DUS2: variants seen among roughly 807,000 people sequenced by gnomAD.
DUS2 encodes the protein dihydrouridine synthase 2.
In DUS2, 52 loss-of-function variants were observed where a neutral mutation model predicts 71.3. The observed-to-expected ratio is 0.73, with a 90% CI of 0.58 to 0.92. The LOEUF (loss-of-function observed/expected upper bound fraction) is 0.92. Among genes scored for constraint, DUS2 ranks in the 40% least tolerant of loss-of-function variants. The pLI is 0.00. For synonymous variants in DUS2, 204 were observed against 227.8 expected (o/e 0.90, Z 0.94); for missense variants, 558 against 622.6 (o/e 0.90, Z 1.10).
At chr16:68,071,169 A>G in intron 12 of DUS2, 61 bp downstream of exon 12, 1 of 1,581,926 alleles carries the variant, frequency 6.3e-7, no homozygotes. Flanking sequence ...TCCTGCAGAG[A>G]GCACTTTGTG....
intron 2 of DUS2, among the ~76,000 whole-genome samples, chr16:68,031,250 T>C (rs2033433666): frequency 1.3e-5 from 2 of 152,158 alleles, no homozygotes; most frequent in South Asian, 4.1e-4. Context: ...CTGCAACCTC[T>C]GCCTCCCGGG....
chr16:68,072,354 C>G (rs759923447), intron 12 of DUS2, among the ~76,000 whole-genome samples: 5 of 152,204 alleles, frequency 3.3e-5, no homozygotes, highest in African/African-American at 7.2e-5. Flanking sequence ...CTTGCCCCAG[C>G]CCAGGTCAGC....
At chr16:68,029,084 A>G (rs921029714) in intron 2 of DUS2, among the ~76,000 whole-genome samples, 2 of 152,010 alleles carry the variant, frequency 1.3e-5, no homozygotes, top group Non-Finnish European at 2.9e-5. Flanking sequence ...ACATGCCTGT[A>G]GTCCCAGTTA....
At chr16:68,066,426 A>G in intron 9 of DUS2, 44 bp downstream of exon 9, 1 of 1,604,370 alleles carries the variant, frequency 6.2e-7, no homozygotes, top group Non-Finnish European at 8.5e-7. Flanking sequence ...CTCTCTGGTG[A>G]TGTTGGATTT....
rs1414165570 is a variant in DUS2 at position 68,078,895 on chromosome 16, G to C, written c.1391G>C (p.Arg464Thr). The C allele has an allele frequency of 6.2e-7, 1 of 1,613,016 alleles. No homozygotes were observed. Among genetic ancestry groups the C allele is most frequent in the African/African-American group, 1.3e-5 (1 of 74,928 alleles). Residue 464 changes from arginine to threonine, a missense_variant, in exon 17 of 17, where the codon AGA (arginine) becomes ACA (threonine). Arg to Thr is a moderately conservative substitution (Grantham distance 71, BLOSUM62 -1). Coordinates refer to ENST00000565263, the MANE Select transcript of DUS2 (RefSeq NM_017803.5). ...EAPDQDPGGP[R>T]AQELAQPGDL... ...CCTGACCAAGACCCTGGGGGCCCCAGAGCTCAGGAGCTAGCACAACCTGGG... is the reference window on the plus strand; with the variant it reads ...CCTGACCAAGACCCTGGGGGCCCCACAGCTCAGGAGCTAGCACAACCTGGG...
chr16:68,028,006 C>T (rs548475295), intron 2 of DUS2, among the ~76,000 whole-genome samples: 240 of 152,196 alleles, frequency 1.6e-3, no homozygotes, highest in African/African-American at 5.5e-3. Context: ...AAGGTGGAGA[C>T]CAGACCTTAT....
intron 10 of DUS2, among the ~76,000 whole-genome samples, chr16:68,068,880 G>A (rs928717758): frequency 6.6e-6 from 1 of 151,618 alleles, no homozygotes; most frequent in East Asian, 1.9e-4. Flanking sequence ...GATTACAGGC[G>A]TGAGCCACCA....
chr16:68,057,727 A>G (rs1338463861), intron 7 of DUS2, among the ~76,000 whole-genome samples: 2 of 152,010 alleles, frequency 1.3e-5, no homozygotes, highest in Non-Finnish European at 2.9e-5. Context: ...TAAAATTACA[A>G]GCAATTAGCT....
chr16:68,070,007 C>A, intron 10 of DUS2, 127 bp from the exon 11 acceptor site: 1 of 763,656 alleles, frequency 1.3e-6, no homozygotes, highest in Non-Finnish European at 2.3e-6. Context: ...TCCTTGATTG[C>A]CATATGGCCA....
intron 1 of DUS2, 117 bp downstream of exon 1, chr16:68,023,468 C>T (rs1376636575): frequency 1.2e-5 from 6 of 508,216 alleles, no homozygotes; most frequent in African/African-American, 8.1e-5. Flanking sequence ...GGCCTTGACC[C>T]AATGGACCAT....
At chr16:68,053,913 C>T (rs2033814492) in intron 5 of DUS2, 1 of 451,790 alleles carries the variant, frequency 2.2e-6, no homozygotes, top group Admixed American at 3.7e-5. Flanking sequence ...TAGGAATTGT[C>T]TGTTTGGCAT....
intron 13 of DUS2, among the ~76,000 whole-genome samples, chr16:68,074,575 T>C (rs562712302): frequency 6.6e-6 from 1 of 152,308 alleles, no homozygotes; most frequent in African/African-American, 2.4e-5. Context: ...CTAGCTCAGA[T>C]GGTTGACAGT....
intron 4 of DUS2, among the ~76,000 whole-genome samples, chr16:68,052,930 A>C (rs1237857549): frequency 6.6e-6 from 1 of 150,506 alleles, no homozygotes; most frequent in Non-Finnish European, 1.5e-5. Flanking sequence ...AGCGTGAGCC[A>C]CTGCGCCCGG....
chr16:68,056,985 CAATAAATA>C (rs1239161446), intron 7 of DUS2, among the ~76,000 whole-genome samples: 2 of 134,478 alleles, frequency 1.5e-5, no homozygotes, highest in Non-Finnish European at 3.1e-5. Context: ...TAAATATATA[CAATAAATA>C]TATAAATATA....
At chr16:68,058,649 A>G (rs1048446612) in intron 7 of DUS2, among the ~76,000 whole-genome samples, 4 of 152,186 alleles carry the variant, frequency 2.6e-5, no homozygotes, top group Non-Finnish European at 1.5e-5. Context: ...GAATGATTAT[A>G]TATATTTATT....
intron 2 of DUS2, among the ~76,000 whole-genome samples, chr16:68,032,832 C>T (rs1269548522): frequency 2.3e-5 from 3 of 128,570 alleles, no homozygotes. Context: ...GAGGCTGAAC[C>T]TGGGAGGTGG....
Position 68,078,464 on chromosome 16 carries a change from G to A in DUS2, c.1190G>A (p.Arg397His), listed in dbSNP as rs779269977. Residue 397 changes from arginine (R) to histidine (H), a missense_variant, in exon 16 of 17, where the codon CGC (arginine) becomes CAC (histidine). Transcript: ENST00000565263. ...TATCAGGTTCAACGCCCTCTAGATC[G>A]CCTGTTCTCCTCTATTGTCACCGTT... ...VYETVQRPLD[R>H]LFSSIVTVAE... 3.0e-5 allele frequency: 48 copies of A among 1,613,958 alleles called. No individual in the cohort carries two copies. The highest frequency in any genetic ancestry group is 2.7e-4 in the Admixed American group (16 of 60,008).
chr16:68,045,037 C>T lies in DUS2; in HGVS notation c.127-4468C>T, dbSNP rs552157877. ...TGAACTCCTGACCTCAGGCAATCCACCCAGCTCGGCCTCCCAAAGTGCTGG... is the reference window on the plus strand; with the variant it reads ...TGAACTCCTGACCTCAGGCAATCCATCCAGCTCGGCCTCCCAAAGTGCTGG... On this transcript the variant is annotated intron_variant, in intron 3 of 16. Coordinates refer to ENST00000565263, the MANE Select transcript of DUS2 (RefSeq NM_017803.5). Among the ~76,000 whole-genome samples the T allele has an allele frequency of 9.5e-4, 145 of 152,286 alleles. 1 individual carries two copies. The highest frequency in any genetic ancestry group is 3.4e-3 in the African/African-American group (141 of 41,576).
chr16:68,024,318 C>T (rs767912324), intron 1 of DUS2, among the ~76,000 whole-genome samples: 2 of 152,006 alleles, frequency 1.3e-5, no homozygotes, highest in East Asian at 1.9e-4. Context: ...TGGCTGGTCT[C>T]GAACTCCTGG....
Sources: allele counts gnomAD v4.1 joint callset (sites outside exome capture counted in the v4.1 genomes callset), GRCh38; gene constraint gnomAD v4.1.1; transcripts MANE v1.5; gene names NCBI Gene and HGNC (gene_info 2026-07-23, HGNC 2026-07-21).